PRKAR1A: variants seen among roughly 807,000 people sequenced by gnomAD.
PRKAR1A encodes the protein cAMP-dependent protein kinase type I-alpha regulatory subunit.
Under a neutral mutation model 52.0 loss-of-function variants are expected in PRKAR1A, and 3 were observed. The observed-to-expected ratio is 0.06, with a 90% CI of 0.03 to 0.15. The LOEUF is 0.15. Among genes scored for constraint, PRKAR1A ranks in the 10% least tolerant of loss-of-function variants. PRKAR1A has a pLI of 1.00. For synonymous variants in PRKAR1A, 188 were observed against 168.4 expected (o/e 1.12, Z -0.90); for missense variants, 240 against 477.4 (o/e 0.50, Z 4.63).
intron 7 of PRKAR1A, among the ~76,000 whole-genome samples, chr17:68,526,323 A>G (rs1163049404): frequency 6.6e-6 from 1 of 152,246 alleles, no homozygotes; most frequent in Non-Finnish European, 1.5e-5. Flanking sequence ...AAAGTGGGTT[A>G]TCAGTAATGT....
the PRKAR1A span, among the ~76,000 whole-genome samples, chr17:68,463,106 T>C: frequency 2.0e-5 from 3 of 152,070 alleles, no homozygotes; most frequent in African/African-American, 7.2e-5. Flanking sequence ...TTCAAAGGCT[T>C]TGGGCTTAGG....
chr17:68,501,481 G>C, the PRKAR1A span, among the ~76,000 whole-genome samples: 7 of 152,058 alleles, frequency 4.6e-5, no homozygotes, highest in East Asian at 1.4e-3. Flanking sequence ...TTTGAGACAC[G>C]GTCTTGCTAT....
chr17:68,455,361 CAAAAA>C, the PRKAR1A span, among the ~76,000 whole-genome samples: 4 of 102,672 alleles, frequency 3.9e-5, no homozygotes, highest in African/African-American at 7.2e-5. Flanking sequence ...AAGACTGTCT[CAAAAA>C]AAAAAAAAAA....
the PRKAR1A span, among the ~76,000 whole-genome samples, chr17:68,503,391 A>G: frequency 2.0e-5 from 3 of 152,362 alleles, no homozygotes; most frequent in Non-Finnish European, 4.4e-5. Context: ...GAAGTTGCAC[A>G]TGGATGTTTA....
At chr17:68,493,459 T>TC in the PRKAR1A span, among the ~76,000 whole-genome samples, 1 of 152,042 alleles carries the variant, frequency 6.6e-6, no homozygotes, top group Non-Finnish European at 1.5e-5. Context: ...AATAGCTGAT[T>TC]CCCCCCGCAC....
chr17:68,467,162 C>G, the PRKAR1A span, among the ~76,000 whole-genome samples: 1 of 152,144 alleles, frequency 6.6e-6, no homozygotes, highest in Non-Finnish European at 1.5e-5. Context: ...CATTTATCAG[C>G]TGAGGGACAT....
the PRKAR1A span, among the ~76,000 whole-genome samples, chr17:68,424,783 A>C: frequency 6.6e-6 from 1 of 152,192 alleles, no homozygotes; most frequent in East Asian, 1.9e-4. Context: ...AGGCTGAGGC[A>C]GGAGAATTGC....
chr17:68,475,334 C>A, the PRKAR1A span, among the ~76,000 whole-genome samples: 1 of 152,212 alleles, frequency 6.6e-6, no homozygotes, highest in African/African-American at 2.4e-5. Flanking sequence ...CTTCATATGT[C>A]AATACAACCC....
the PRKAR1A span, among the ~76,000 whole-genome samples, chr17:68,462,177 T>G: frequency 6.6e-6 from 1 of 152,180 alleles, no homozygotes; most frequent in Non-Finnish European, 1.5e-5. Flanking sequence ...TAATCTTCAT[T>G]CTCTCCCCTC....
the PRKAR1A span, among the ~76,000 whole-genome samples, chr17:68,465,727 TC>T: frequency 1.4e-5 from 2 of 140,562 alleles, no homozygotes; most frequent in Non-Finnish European, 3.1e-5. Context: ...CCTGGGCCTC[TC>T]AAAGTGCTGG....
downstream of PRKAR1A, chr17:68,534,977 A>G (rs1037489146): frequency 7.0e-6 from 2 of 285,924 alleles, no homozygotes; most frequent in South Asian, 3.5e-5. Context: ...GAGAATGACT[A>G]ATTTTTTTGT....
At chr17:68,481,850 G>A in the PRKAR1A span, among the ~76,000 whole-genome samples, 5 of 152,302 alleles carry the variant, frequency 3.3e-5, no homozygotes, top group East Asian at 3.9e-4. Flanking sequence ...AACACTTCTC[G>A]GATGGATGGA....
intron 11 of PRKAR1A, chr17:68,543,694 C>A: frequency 6.2e-7 from 1 of 1,614,122 alleles, no homozygotes; most frequent in South Asian, 1.1e-5. Flanking sequence ...AGAAGAAGTC[C>A]ACTGGTGTCT....
upstream of PRKAR1A, among the ~76,000 whole-genome samples, chr17:68,507,717 A>G (rs542956689): frequency 4.6e-5 from 7 of 152,324 alleles, no homozygotes; most frequent in African/African-American, 1.7e-4. Flanking sequence ...TAAAAAAAAA[A>G]GATCTGTGTG....
the PRKAR1A span, among the ~76,000 whole-genome samples, chr17:68,468,846 A>G: frequency 6.6e-6 from 1 of 152,196 alleles, no homozygotes; most frequent in Non-Finnish European, 1.5e-5. Context: ...CATCAAGCAG[A>G]CAAGACATAT....
At chr17:68,514,790 T>C (rs1435839871) in intron 1 of PRKAR1A, 1 of 152,614 alleles carries the variant, frequency 6.6e-6, no homozygotes, top group African/African-American at 2.4e-5. Flanking sequence ...GGCAAACGAG[T>C]CTGGAATAAA....
chr17:68,450,051 C>A, the PRKAR1A span, among the ~76,000 whole-genome samples: 1 of 152,104 alleles, frequency 6.6e-6, no homozygotes, highest in Non-Finnish European at 1.5e-5. Flanking sequence ...CCCAGCAATT[C>A]AAAAGGAAAT....
At chr17:68,430,203 C>T in the PRKAR1A span, 1 of 1,567,492 alleles carries the variant, frequency 6.4e-7, no homozygotes, top group Non-Finnish European at 8.6e-7. Context: ...GGGCTGCAGG[C>T]CCCACACGCA....
At chr17:68,511,785 C>T (rs1159393998), upstream of PRKAR1A, 1 of 152,030 alleles carries the variant, frequency 6.6e-6, no homozygotes, top group Non-Finnish European at 1.5e-5. Flanking sequence ...CCGGAGAGCG[C>T]ATCCCGGCCA....
Sources: gnomAD v4.1 joint callset for allele counts (sites outside exome capture counted in the v4.1 genomes callset) on GRCh38, gnomAD v4.1.1 for gene constraint, MANE v1.5 for transcripts, NCBI Gene and HGNC (gene_info 2026-07-23, HGNC 2026-07-21) for gene names.